UBE2R2: variants seen among roughly 807,000 people sequenced by gnomAD.
UBE2R2 encodes ubiquitin-conjugating enzyme E2 R2.
A neutral mutation model predicts 27.8 loss-of-function variants in UBE2R2; 1 was observed. That is an observed-to-expected ratio of 0.04 (90% CI 0.01 to 0.17). UBE2R2 has a LOEUF of 0.17. Ranked by LOEUF, UBE2R2 falls within the 10% of genes least tolerant of loss-of-function variation. The pLI is 1.00. For missense variants in UBE2R2, 100 were observed against 291.0 expected, an observed-to-expected ratio of 0.34 and a Z score of 4.78; for synonymous variants, 106 against 113.3, an observed-to-expected ratio of 0.94 and a Z score of 0.41.
At chr9:33,908,299 T>G (rs1822408378) in intron 3 of UBE2R2, among the ~76,000 whole-genome samples, 1 of 152,184 alleles carries the variant, frequency 6.6e-6, no homozygotes, top group Non-Finnish European at 1.5e-5. Context: ...GGCTTCTGAT[T>G]GGCCCAGGTT....
intron 1 of UBE2R2, among the ~76,000 whole-genome samples, chr9:33,826,563 T>A (rs1016717843): frequency 6.6e-6 from 1 of 151,916 alleles, no homozygotes; most frequent in African/African-American, 2.4e-5. Flanking sequence ...CAGGGCATGG[T>A]GGCACGTGCC....
chr9:33,841,055 G>A (rs908065128), intron 1 of UBE2R2, among the ~76,000 whole-genome samples: 7 of 151,540 alleles, frequency 4.6e-5, no homozygotes, highest in African/African-American at 1.7e-4. Flanking sequence ...CTCTCGAGTA[G>A]CTGGAATTAT....
rs1409238380 is a variant in UBE2R2 at position 33,917,165 on chromosome 9, T to C, written c.645T>C (p.Ile215=). The C allele has an allele frequency of 6.2e-7, 1 of 1,614,072 alleles. No individual in the cohort carries two copies. The highest frequency in any genetic ancestry group is 8.5e-7 in the Non-Finnish European group (1 of 1,180,008). Residue 215 remains isoleucine (I), a synonymous_variant, in exon 5 of 5, where the codon ATT becomes ATC. Transcript: ENST00000263228. ...LLYDDLYDDD[I]DDEDEEEEDA... is the part of the protein sequence containing the mutation. ...ACGACGACTTGTATGATGACGACAT[T>C]GATGATGAAGATGAGGAGGAGGAAG... is the stretch of plus-strand genomic sequence containing the variant.
intron 1 of UBE2R2, among the ~76,000 whole-genome samples, chr9:33,852,908 T>A (rs1820999013): frequency 6.6e-6 from 1 of 152,146 alleles, no homozygotes; most frequent in Non-Finnish European, 1.5e-5. Flanking sequence ...CTTGGGTGAC[T>A]GAGGCATGAG....
At chr9:33,907,786 C>CA (rs1056896315) in intron 3 of UBE2R2, among the ~76,000 whole-genome samples, 1 of 151,306 alleles carries the variant, frequency 6.6e-6, no homozygotes, top group African/African-American at 2.4e-5. Flanking sequence ...ATTTTTTAAA[C>CA]AAAAAAATGA....
chr9:33,894,668 TAGA>T (rs1822062251), intron 2 of UBE2R2, among the ~76,000 whole-genome samples: 1 of 152,070 alleles, frequency 6.6e-6, no homozygotes, highest in Non-Finnish European at 1.5e-5. Flanking sequence ...GTGGCCAAGG[TAGA>T]AGGATTGCTT....
chr9:33,866,899 A>G (rs1821375982), intron 1 of UBE2R2, among the ~76,000 whole-genome samples: 1 of 151,686 alleles, frequency 6.6e-6, no homozygotes, highest in South Asian at 2.1e-4. Flanking sequence ...AACTTCTTCC[A>G]CTCTGTGGCT....
At chr9:33,818,054 C>T (rs992526806) in intron 1 of UBE2R2, 120 bp downstream of exon 1, 29 of 1,082,576 alleles carry the variant, frequency 2.7e-5, no homozygotes, top group South Asian at 6.3e-5. Flanking sequence ...GCTTCTCACC[C>T]GTGCAGCCCC....
At chr9:33,870,471 G>A (rs1563995192) in intron 1 of UBE2R2, among the ~76,000 whole-genome samples, 1 of 152,144 alleles carries the variant, frequency 6.6e-6, no homozygotes, top group Non-Finnish European at 1.5e-5. Flanking sequence ...TATGTTTGGG[G>A]AGAATAGGAA....
intron 1 of UBE2R2, among the ~76,000 whole-genome samples, chr9:33,857,210 A>G (rs900209662): frequency 6.0e-5 from 9 of 149,640 alleles, no homozygotes; most frequent in African/African-American, 2.2e-4. Flanking sequence ...ATGAGTTTAT[A>G]TGCTTTTTTT....
intron 4 of UBE2R2, among the ~76,000 whole-genome samples, chr9:33,916,569 A>G (rs1358972308): frequency 6.6e-6 from 1 of 152,222 alleles, no homozygotes; most frequent in Non-Finnish European, 1.5e-5. Flanking sequence ...TCTAGCCCCA[A>G]GAAACTAGGA....
At chr9:33,837,109 A>G (rs1178348396) in intron 1 of UBE2R2, among the ~76,000 whole-genome samples, 1 of 152,172 alleles carries the variant, frequency 6.6e-6, no homozygotes, top group African/African-American at 2.4e-5. Flanking sequence ...AATTATTTCA[A>G]GATATTTTCT....
intron 1 of UBE2R2, among the ~76,000 whole-genome samples, chr9:33,828,043 C>T (rs1237809830): frequency 6.6e-6 from 1 of 151,696 alleles, no homozygotes; most frequent in Non-Finnish European, 1.5e-5. Context: ...CAGAGGCTCA[C>T]TGTAGTCCCA....
At chr9:33,879,348 C>G (rs752410210) in intron 1 of UBE2R2, among the ~76,000 whole-genome samples, 1 of 152,178 alleles carries the variant, frequency 6.6e-6, no homozygotes, top group Non-Finnish European at 1.5e-5. Flanking sequence ...AGTCAGTGTT[C>G]TTTACTGCTA....
chr9:33,837,420 CTT>C (rs374681097), intron 1 of UBE2R2, among the ~76,000 whole-genome samples: 45 of 126,596 alleles, frequency 3.6e-4, no homozygotes, highest in Middle Eastern at 4.1e-3. Flanking sequence ...GCTGCTGCTT[CTT>C]TTTTTTTTTT....
At chr9:33,862,719 T>C (rs576147869) in intron 1 of UBE2R2, among the ~76,000 whole-genome samples, 2 of 152,254 alleles carry the variant, frequency 1.3e-5, no homozygotes, top group Admixed American at 1.3e-4. Flanking sequence ...TGTAGAAGGG[T>C]TTGTCTTTAT....
At chr9:33,834,277 T>G (rs1820564227) in intron 1 of UBE2R2, among the ~76,000 whole-genome samples, 1 of 150,866 alleles carries the variant, frequency 6.6e-6, no homozygotes, top group South Asian at 2.1e-4. Flanking sequence ...CTCGGCTCAC[T>G]GCAACCTCCG....
chr9:33,873,490 C>A (rs1392400782), intron 1 of UBE2R2, among the ~76,000 whole-genome samples: 2 of 152,138 alleles, frequency 1.3e-5, no homozygotes, highest in African/African-American at 4.8e-5. Context: ...TATGTATATG[C>A]ACTGTATAAC....
At chr9:33,861,381 G>A (rs115865215) in intron 1 of UBE2R2, among the ~76,000 whole-genome samples, 36 of 152,068 alleles carry the variant, frequency 2.4e-4, no homozygotes, top group East Asian at 7.8e-4. Context: ...TAGCCTGGCC[G>A]ACATCTCTAC....
Sources: gnomAD v4.1 joint callset for allele counts (sites outside exome capture counted in the v4.1 genomes callset) on GRCh38, gnomAD v4.1.1 for gene constraint, MANE v1.5 for transcripts, NCBI Gene and HGNC (gene_info 2026-07-23, HGNC 2026-07-21) for gene names.